The following DMD variants were observed in gnomAD, a reference collection of about 807,000 sequenced individuals.
DMD encodes dystrophin, also known as mutant dystrophin.
DMD carries 63 observed loss-of-function variants against 330.1 expected under a neutral mutation model. That is an observed-to-expected ratio of 0.19 (90% CI 0.16 to 0.24). DMD has a LOEUF of 0.24. DMD is among the 10% of genes least tolerant of loss of function. DMD has a pLI of 1.00. For synonymous variants in DMD, 1,223 were observed against 959.8 expected, an observed-to-expected ratio of 1.27 and a Z score of -5.07; for missense variants, 3,344 against 2,684.1, an observed-to-expected ratio of 1.25 and a Z score of -5.43.
intron 19 of DMD, 112 bp from the exon 20 acceptor site, chrX:32,491,630 A>G: frequency 1.4e-6 from 1 of 713,744 alleles, no homozygotes; most frequent in South Asian, 2.7e-5. Flanking sequence ...AATGATTTCA[A>G]ACCAGATCAA....
intron 18 of DMD, among the ~76,000 whole-genome samples, chrX:32,516,333 A>T (rs1410305895): frequency 1.8e-5 from 2 of 111,845 alleles, no homozygotes; most frequent in Non-Finnish European, 3.8e-5. Flanking sequence ...GCAATTAAGA[A>T]TGATGTTGTT....
chrX:31,322,885 A>G (rs188934547), intron 62 of DMD, among the ~76,000 whole-genome samples: 108 of 111,861 alleles, frequency 9.7e-4, no homozygotes, highest in Non-Finnish European at 1.8e-3. Context: ...TCAAAGTTAA[A>G]TTTAAGTTAG....
intron 43 of DMD, among the ~76,000 whole-genome samples, chrX:32,258,360 C>G (rs779963541): frequency 2.7e-5 from 3 of 111,828 alleles, no homozygotes; most frequent in Non-Finnish European, 5.6e-5. Flanking sequence ...AAGACACATG[C>G]ACACGTATGT....
chrX:31,955,371 G>A (rs1349538314), intron 45 of DMD, among the ~76,000 whole-genome samples: 1 of 111,825 alleles, frequency 8.9e-6, no homozygotes, highest in African/African-American at 3.3e-5. Flanking sequence ...AGCTAGATAT[G>A]GTCATATGTA....
At chrX:32,644,831 T>C (rs979623613) in intron 10 of DMD, 133 bp downstream of exon 10, 4 of 788,744 alleles carry the variant, frequency 5.1e-6, no homozygotes, top group African/African-American at 4.1e-5. Flanking sequence ...AATCTGACTG[T>C]TGGAATCCCA....
chrX:32,458,202 C>T (rs901811229), intron 25 of DMD, among the ~76,000 whole-genome samples: 1 of 110,804 alleles, frequency 9.0e-6, no homozygotes, highest in Non-Finnish European at 1.9e-5. Context: ...GATCTCAGAG[C>T]TTCTGGTCTT....
intron 43 of DMD, among the ~76,000 whole-genome samples, chrX:32,285,988 C>A (rs143456706): frequency 0.016 from 1,769 of 111,358 alleles, 11 homozygotes; most frequent in Middle Eastern, 0.051. Flanking sequence ...ACATGAGCCA[C>A]CGCACCTGCC....
intron 7 of DMD, among the ~76,000 whole-genome samples, chrX:32,780,933 T>G (rs1023120612): frequency 1.0e-5 from 1 of 97,888 alleles, no homozygotes; most frequent in Non-Finnish European, 2.1e-5. Context: ...CTACTAAAAA[T>G]AAAAAAAAAA....
At chrX:31,157,914 C>T (rs766583687) in intron 74 of DMD, among the ~76,000 whole-genome samples, 10 of 108,683 alleles carry the variant, frequency 9.2e-5, no homozygotes, top group Non-Finnish European at 1.7e-4. Context: ...AGTGATCCTC[C>T]AGCCCCAGCC....
intron 7 of DMD, among the ~76,000 whole-genome samples, chrX:32,724,177 T>C: frequency 8.9e-6 from 1 of 112,337 alleles, no homozygotes; most frequent in African/African-American, 3.2e-5. Flanking sequence ...CTGGAATGTA[T>C]AAATATACAA....
intron 55 of DMD, among the ~76,000 whole-genome samples, chrX:31,558,802 A>G (rs6628619): frequency 0.34 from 36,720 of 109,390 alleles, 4,736 homozygotes; most frequent in African/African-American, 0.42. Context: ...CTACAATTGC[A>G]TCTCCAGATC....
At position 32,258,374 on chromosome X, in the gene DMD, T is replaced by C. The variant is rs748857081; in HGVS notation, c.6290+29155A>G. 1.1e-4 allele frequency among the ~76,000 whole-genome samples: 12 copies of C among 111,899 alleles called. 2 individuals are homozygous for C. The South Asian group carries it at 1.9e-3, about 18-fold the overall frequency. ...AAAGACACATGCACACGTATGTTTA[T>C]TGCAGCACTATTTACAATAGCAAAG... is the stretch of plus-strand genomic sequence containing the variant. On this transcript the variant is annotated intron_variant, in intron 43 of 78. Transcript: ENST00000357033.
At chrX:31,241,127 G>A (rs746569788) in intron 63 of DMD, among the ~76,000 whole-genome samples, 1 of 111,443 alleles carries the variant, frequency 9.0e-6, no homozygotes, top group African/African-American at 3.3e-5. Flanking sequence ...TATAATAAAA[G>A]TGCAAGTAAT....
At chrX:31,230,190 G>T (rs2047057444) in intron 63 of DMD, among the ~76,000 whole-genome samples, 1 of 111,654 alleles carries the variant, frequency 9.0e-6, no homozygotes, top group Non-Finnish European at 1.9e-5. Context: ...TACTTAAATG[G>T]GGGAAAAATA....
At chrX:31,876,703 AAAAACAAAAAAC>A (rs976848463) in intron 47 of DMD, among the ~76,000 whole-genome samples, 3 of 110,034 alleles carry the variant, frequency 2.7e-5, no homozygotes, top group Admixed American at 9.8e-5. Context: ...AAAAAACAAA[AAAAACAAAAAAC>A]AAAACAAAAC....
intron 22 of DMD, among the ~76,000 whole-genome samples, chrX:32,469,713 T>A (rs1049769434): frequency 5.4e-5 from 6 of 111,564 alleles, no homozygotes; most frequent in African/African-American, 1.9e-4. Flanking sequence ...CCATGTCAAA[T>A]AATTATTTTT....
intron 41 of DMD, among the ~76,000 whole-genome samples, chrX:32,326,362 G>A (rs2097650590): frequency 8.9e-6 from 1 of 112,162 alleles, no homozygotes; most frequent in African/African-American, 3.2e-5. Flanking sequence ...GAGTTCAGCA[G>A]GCATTTTTTT....
At chrX:32,343,350 T>C (rs2097753838) in intron 39 of DMD, 64 bp from the exon 40 acceptor site, 17 of 1,016,389 alleles carry the variant, frequency 1.7e-5, no homozygotes, top group Non-Finnish European at 2.3e-5. Flanking sequence ...CTGGCTGCAG[T>C]TATTTATCAA....
intron 9 of DMD, among the ~76,000 whole-genome samples, chrX:32,653,977 C>T (rs1032614302): frequency 8.9e-6 from 1 of 111,837 alleles, no homozygotes; most frequent in Non-Finnish European, 1.9e-5. Context: ...TATAAGAATG[C>T]TTGTGATTTT....
Sources: allele counts gnomAD v4.1 joint callset (sites outside exome capture counted in the v4.1 genomes callset), GRCh38; gene constraint gnomAD v4.1.1; transcripts MANE v1.5; gene names NCBI Gene and HGNC (gene_info 2026-07-23, HGNC 2026-07-21).